The following FAM234A variants were observed in gnomAD, a reference collection of about 807,000 sequenced individuals.
FAM234A encodes protein FAM234A.
A neutral mutation model predicts 49.1 loss-of-function variants in FAM234A; 42 were observed. The observed-to-expected ratio is 0.86, with a 90% CI of 0.67 to 1.11. The LOEUF (loss-of-function observed/expected upper bound fraction) is 1.11. Ranked by LOEUF, FAM234A falls within the 50% of genes least tolerant of loss-of-function variation. The pLI is 0.00. For synonymous variants in FAM234A, 369 were observed against 316.2 expected, an observed-to-expected ratio of 1.17 and a Z score of -1.77; for missense variants, 815 against 745.2, an observed-to-expected ratio of 1.09 and a Z score of -1.09.
In FAM234A at chr16:251,679, G is replaced by GTT. The variant is rs1172222528; in HGVS notation, c.-34+2051_-34+2052dup. On this transcript the variant is annotated intron_variant, in intron 2 of 12. Coordinates refer to ENST00000399932, the MANE Select transcript of FAM234A (RefSeq NM_032039.4). ...GGCATAAGCCACCATGCCTAGCCAG[G>GTT]TTTTTTTTTTTTTTTTTTTTTTTTT... Among the ~76,000 whole-genome samples, 376 of 91,130 alleles carry GTT rather than the reference G, an allele frequency of 4.1e-3. 57 individuals are homozygous for GTT. The East Asian group carries it at 0.073, about 18-fold the overall frequency. The allele number at this position is 91,130 out of a possible 152,430, so 59.8% of individuals were successfully genotyped here.
chr16:254,194 C>G (rs1039312865), intron 2 of FAM234A, 187 bp from the exon 3 acceptor site: 6 of 600,618 alleles, frequency 1.0e-5, no homozygotes, highest in South Asian at 2.0e-5. Flanking sequence ...TAATTAGAGA[C>G]CTTCTTAAGT....
Position 251,325 on chromosome 16 carries a change from A to G in FAM234A, c.-34+1671A>G, listed in dbSNP as rs73484391. 8.3e-3 allele frequency among the ~76,000 whole-genome samples: 1,266 copies of G among 152,190 alleles called. 19 individuals are homozygous for G. The highest frequency in any genetic ancestry group is 0.028 in the African/African-American group (1,175 of 41,506). ...TGGCTGTTGTTAATAATGAACCAATATGAACATTTATTTACAAGTTTTTGT... is the reference window on the plus strand; with the variant it reads ...TGGCTGTTGTTAATAATGAACCAATGTGAACATTTATTTACAAGTTTTTGT... On this transcript the variant is annotated intron_variant, in intron 2 of 12. Coordinates refer to ENST00000399932, the MANE Select transcript of FAM234A (RefSeq NM_032039.4).
chr16:236,199 A>C (rs1350768748), intron 1 of FAM234A, among the ~76,000 whole-genome samples: 1 of 148,714 alleles, frequency 6.7e-6, no homozygotes, highest in Non-Finnish European at 1.5e-5. Context: ...CAGGTGATCC[A>C]CTCGCCTCGG....
At chr16:256,666 G>C (rs972012705) in intron 3 of FAM234A, among the ~76,000 whole-genome samples, 1 of 151,382 alleles carries the variant, frequency 6.6e-6, no homozygotes, top group African/African-American at 2.4e-5. Flanking sequence ...TGCCTCCCAG[G>C]TTCAAGCGAT....
At chr16:248,773 A>T (rs181340813) in intron 1 of FAM234A, among the ~76,000 whole-genome samples, 3 of 151,806 alleles carry the variant, frequency 2.0e-5, no homozygotes, top group Admixed American at 2.0e-4. Context: ...GGTGCCCACC[A>T]CCACACCTGG....
downstream of FAM234A, among the ~76,000 whole-genome samples, chr16:267,384 C>T (rs144744335): frequency 5.2e-4 from 79 of 152,178 alleles, no homozygotes; most frequent in Middle Eastern, 3.4e-3. Context: ...CCTCCACCAT[C>T]GACTCCACAC....
At chr16:235,498 A>C (rs1208954715) in intron 1 of FAM234A, among the ~76,000 whole-genome samples, 2 of 152,146 alleles carry the variant, frequency 1.3e-5, no homozygotes, top group African/African-American at 4.8e-5. Context: ...GTTGGCCGAG[A>C]GTTGTCAAGG....
chr16:245,220 A>G (rs1567210633), intron 1 of FAM234A, among the ~76,000 whole-genome samples: 8 of 151,982 alleles, frequency 5.3e-5, no homozygotes. Flanking sequence ...GGTGATGCAC[A>G]CCTGTGGTCC....
At chr16:256,457 C>G (rs2051237034) in intron 3 of FAM234A, among the ~76,000 whole-genome samples, 1 of 152,014 alleles carries the variant, frequency 6.6e-6, no homozygotes, top group South Asian at 2.1e-4. Flanking sequence ...TGAGTTTTAG[C>G]CATTCTTGCA....
rs1348228364 is a variant in FAM234A, at chr16:254,401, G to A, written c.-13G>A. 1.9e-6 allele frequency: 3 copies of A among 1,612,930 alleles called. No homozygotes were observed. Among genetic ancestry groups the A allele is most frequent in the African/African-American group, 1.3e-5 (1 of 74,858 alleles). ...CACAGTGACCAGGAGTTAAACTTTG[G>A]GATGTGCCCGTGATGTTGGACCACA... is the stretch of plus-strand genomic sequence containing the variant. On this transcript the variant is annotated 5_prime_UTR_variant, in exon 3 of 13. Transcript: ENST00000399932.
Position 260,068 on chromosome 16 carries a change from G to A in FAM234A, c.485G>A (p.Cys162Tyr), listed in dbSNP as rs779362672. The A allele has an allele frequency of 3.1e-6, 5 of 1,613,712 alleles. No individual in the cohort carries two copies. The highest frequency in any genetic ancestry group is 1.1e-5 in the South Asian group (1 of 91,084). Residue 162 changes from cysteine to tyrosine, a missense_variant, in exon 5 of 13, where the codon TGT becomes TAT. Physicochemically the swap from Cys to Tyr is radical, Grantham distance 194. Transcript: ENST00000399932. ...GCCCAAGACGTGGCCCTCGTGGAGT[G>A]TGCTGTGCCCCAGCCAAGAGGCAGT... ...PVAQDVALVE[C>Y]AVPQPRGSEA...
downstream of FAM234A, chr16:266,206 GC>G (rs2051688828): frequency 1.4e-6 from 1 of 710,332 alleles, no homozygotes; most frequent in African/African-American, 1.9e-5. Flanking sequence ...TTGCTGGCCA[GC>G]CTGGGTCAGG....
At chr16:237,091 AG>A (rs1691225047) in intron 1 of FAM234A, among the ~76,000 whole-genome samples, 1 of 151,564 alleles carries the variant, frequency 6.6e-6, no homozygotes, top group South Asian at 2.1e-4. Context: ...AAAAATATGT[AG>A]ATGGGTTCTC....
chr16:264,442 C>G (rs549090996), intron 11 of FAM234A, among the ~76,000 whole-genome samples, 172 bp from the exon 12 acceptor site: 2 of 152,186 alleles, frequency 1.3e-5, no homozygotes, highest in African/African-American at 2.4e-5. Context: ...GTGTCAGGAC[C>G]AGGTGGGGTG....
At position 263,466 on chromosome 16, in the gene FAM234A, C is replaced by T. The variant is rs74003713; in HGVS notation, c.1112+64C>T. ...CCTTCCCGGCATCCCGGGCACATCC[C>T]GTTGGCTGGCGAGGAGACAGCGCTG... On this transcript the variant is annotated intron_variant, in intron 9 of 12. Transcript: ENST00000399932. 2.0e-3 allele frequency: 3,111 copies of T among 1,583,658 alleles called. 55 individuals are homozygous for T. In the African/African-American group the frequency reaches 0.037, roughly 19 times the overall value.
At chr16:246,617 C>T (rs1344136198) in intron 1 of FAM234A, among the ~76,000 whole-genome samples, 4 of 150,930 alleles carry the variant, frequency 2.7e-5, no homozygotes, top group Non-Finnish European at 4.4e-5. Flanking sequence ...GATGGGGTTT[C>T]ACCGTGTTAG....
rs903657105 is a variant in FAM234A at position 264,801 on chromosome 16, C to G, written c.1448-10C>G. ...GAGCCGCCCTGACAGCTGTGTCCCC[C>G]ACCCTGCAGCCGTCCTGTTTGAGCC... On this transcript the variant is annotated splice_polypyrimidine_tract_variant and intron_variant, in intron 12 of 12. Transcript: ENST00000399932. 5.0e-6 allele frequency: 8 copies of G among 1,607,754 alleles called. No individual in the cohort carries two copies. Among genetic ancestry groups the G allele is most frequent in the Middle Eastern group, 1.6e-4 (1 of 6,068 alleles).
rs368991175 is a variant in FAM234A, at chr16:254,579, T to C, written c.166T>C (p.Leu56=). ...CCGAGCGGCGGCGTTTTTTCTTTCA[T>C]TGTTTCTCTGCCTTTTTGTGGTGTT... ...RCRAAAFFLS[L]FLCLFVVFVV... is the part of the protein sequence containing the mutation. The change falls in exon 3 of 13, where the codon TTG becomes CTG. Residue 56 remains leucine, a synonymous_variant. Coordinates refer to ENST00000399932, the MANE Select transcript of FAM234A (RefSeq NM_032039.4). 1,435 of 1,613,560 alleles carry C rather than the reference T, an allele frequency of 8.9e-4. 22 individuals are homozygous for C. The South Asian group carries it at 0.014, about 16-fold the overall frequency.
Position 264,686 on chromosome 16 carries a change from A to T in FAM234A, c.1417A>T (p.Asn473Tyr). ...TLPRVLLELA[N>Y]VSTHIVAFDA... Reference sequence around the variant, plus strand: ...GCCGCGCGTGCTGCTGGAGCTGGCCAATGTCTCTACCCACATTGTCGCCTT... The same window carrying T: ...GCCGCGCGTGCTGCTGGAGCTGGCCTATGTCTCTACCCACATTGTCGCCTT... The change falls in exon 12 of 13, where the codon AAT (asparagine) becomes TAT (tyrosine). Residue 473 changes from asparagine to tyrosine, a missense_variant. Asn to Tyr is a moderately radical substitution (Grantham distance 143). Coordinates refer to ENST00000399932, the MANE Select transcript of FAM234A (RefSeq NM_032039.4). The T allele has an allele frequency of 6.2e-7, 1 of 1,612,118 alleles. No individual in the cohort carries two copies. Among genetic ancestry groups the T allele is most frequent in the Non-Finnish European group, 8.5e-7 (1 of 1,179,934 alleles).
Sources: gnomAD v4.1 joint callset for allele counts (sites outside exome capture counted in the v4.1 genomes callset) on GRCh38, gnomAD v4.1.1 for gene constraint, MANE v1.5 for transcripts, NCBI Gene and HGNC (gene_info 2026-07-23, HGNC 2026-07-21) for gene names.